The following MYO1D variants were observed in gnomAD, a reference collection of about 807,000 sequenced individuals.
The protein encoded by MYO1D is unconventional myosin-Id.
A neutral mutation model predicts 122.0 loss-of-function variants in MYO1D; 83 were observed. The ratio of observed to expected loss-of-function variants is 0.68; its 90% CI spans 0.57 to 0.82. The LOEUF (loss-of-function observed/expected upper bound fraction) is 0.82, where lower values mean the gene tolerates loss of function less well. Ranked by LOEUF, MYO1D falls within the 40% of genes least tolerant of loss-of-function variation. The probability of loss-of-function intolerance (pLI) is 0.00; values close to 1 mark genes in which losing one functional copy is unlikely to be tolerated. For missense variants in MYO1D, 1,157 were observed against 1,269.5 expected, an observed-to-expected ratio of 0.91 and a Z score of 1.35; for synonymous variants, 464 against 446.9, an observed-to-expected ratio of 1.04 and a Z score of -0.48.
intron 1 of MYO1D, among the ~76,000 whole-genome samples, chr17:32,850,420 G>A (rs1343381784): frequency 6.6e-6 from 1 of 152,036 alleles, no homozygotes; most frequent in Non-Finnish European, 1.5e-5. Context: ...TTCACCATGG[G>A]TACAACAATC....
In MYO1D at chr17:32,605,251, G is replaced by T. The variant is rs899955634; in HGVS notation, c.2710-10C>A. The T allele has an allele frequency of 6.5e-7, 1 of 1,535,830 alleles. No individual in the cohort carries two copies. The highest frequency in any genetic ancestry group is 1.4e-5 in the African/African-American group (1 of 73,414). ...CACTCAGACCAGTCAACTGCAAAGA[G>T]AAAATGCATGGAAAACTATTTGGAT... is the stretch of plus-strand genomic sequence containing the variant. On this transcript the variant is annotated splice_polypyrimidine_tract_variant and intron_variant, in intron 20 of 21. Coordinates refer to ENST00000318217, the MANE Select transcript of MYO1D (RefSeq NM_015194.3).
At chr17:32,866,025 A>AT (rs937812824) in intron 1 of MYO1D, among the ~76,000 whole-genome samples, 8 of 152,050 alleles carry the variant, frequency 5.3e-5, no homozygotes, top group Non-Finnish European at 1.5e-5. Context: ...TTTATTTTTC[A>AT]TTTTTTTACA....
At chr17:32,873,210 T>G (rs1032507577) in intron 1 of MYO1D, among the ~76,000 whole-genome samples, 3 of 152,078 alleles carry the variant, frequency 2.0e-5, no homozygotes, top group African/African-American at 7.2e-5. Flanking sequence ...CATGAAGGAA[T>G]GTACTCTGTA....
chr17:32,790,776 G>C (rs2090342580), intron 1 of MYO1D, among the ~76,000 whole-genome samples: 1 of 152,244 alleles, frequency 6.6e-6, no homozygotes, highest in African/African-American at 2.4e-5. Flanking sequence ...GGCAAAGAGA[G>C]AGAAGAGGGA....
chr17:32,754,089 C>T (rs1291070869), intron 11 of MYO1D, among the ~76,000 whole-genome samples: 1 of 152,064 alleles, frequency 6.6e-6, no homozygotes, highest in Admixed American at 6.5e-5. Flanking sequence ...CAATTCAATT[C>T]AACTTTACAA....
intron 16 of MYO1D, among the ~76,000 whole-genome samples, chr17:32,660,411 A>T (rs2088546635): frequency 6.6e-6 from 1 of 152,310 alleles, no homozygotes; most frequent in Admixed American, 6.5e-5. Context: ...CTTCTTAAAA[A>T]TCCCCGTCTG....
intron 18 of MYO1D, 32 bp from the exon 19 acceptor site, chr17:32,653,979 T>A: frequency 6.5e-7 from 1 of 1,542,204 alleles, no homozygotes; most frequent in Non-Finnish European, 8.9e-7. Flanking sequence ...ACAAAATGAG[T>A]ATGCTTAGCA....
chr17:32,683,249 C>T (rs1338862250), intron 16 of MYO1D, among the ~76,000 whole-genome samples: 1 of 151,950 alleles, frequency 6.6e-6, no homozygotes, highest in Non-Finnish European at 1.5e-5. Context: ...TCTCTCAGCT[C>T]GTCAAAGTCA....
intron 1 of MYO1D, among the ~76,000 whole-genome samples, chr17:32,862,080 C>A (rs1040384525): frequency 5.9e-5 from 9 of 152,136 alleles, no homozygotes; most frequent in Middle Eastern, 3.4e-3. Context: ...TCTGATTGTT[C>A]CCCCGCTCCC....
intron 16 of MYO1D, among the ~76,000 whole-genome samples, chr17:32,704,457 T>C (rs189919518): frequency 6.6e-6 from 1 of 152,170 alleles, no homozygotes; most frequent in African/African-American, 2.4e-5. Context: ...CATTAGTTGG[T>C]GGGAACATAA....
At chr17:32,702,244 G>A (rs911797497) in intron 16 of MYO1D, among the ~76,000 whole-genome samples, 2 of 152,080 alleles carry the variant, frequency 1.3e-5, no homozygotes, top group Non-Finnish European at 2.9e-5. Context: ...TACGTGGTGT[G>A]CCTGTTATTT....
At chr17:32,837,142 T>C (rs947936971) in intron 1 of MYO1D, among the ~76,000 whole-genome samples, 10 of 152,102 alleles carry the variant, frequency 6.6e-5, no homozygotes, top group African/African-American at 1.9e-4. Context: ...GAGTGTGTAA[T>C]ATTATCTCAT....
At chr17:32,848,000 T>A (rs1423321628) in intron 1 of MYO1D, among the ~76,000 whole-genome samples, 9 of 152,208 alleles carry the variant, frequency 5.9e-5, no homozygotes, top group Non-Finnish European at 1.2e-4. Context: ...TCCTACAGGG[T>A]ACCTGCTATG....
chr17:32,538,178 A>C (rs746457622), intron 21 of MYO1D, among the ~76,000 whole-genome samples: 2 of 152,206 alleles, frequency 1.3e-5, no homozygotes, highest in African/African-American at 2.4e-5. Flanking sequence ...TGATGATTAC[A>C]GTATTTTGAG....
intron 14 of MYO1D, chr17:32,734,799 G>C (rs557111974): frequency 5.9e-5 from 9 of 152,084 alleles, no homozygotes; most frequent in African/African-American, 2.2e-4. Context: ...GCTGAGCATG[G>C]TGGCTCACAT....
intron 21 of MYO1D, 129 bp from the exon 22 acceptor site, chr17:32,495,044 T>C: frequency 8.4e-7 from 1 of 1,189,868 alleles, no homozygotes; most frequent in Non-Finnish European, 1.2e-6. Context: ...GGAGGATGCC[T>C]GAAGGGCCCC....
intron 17 of MYO1D, among the ~76,000 whole-genome samples, chr17:32,656,913 C>T (rs1316155120): frequency 6.6e-6 from 1 of 152,210 alleles, no homozygotes; most frequent in African/African-American, 2.4e-5. Flanking sequence ...GTCAGCCTGT[C>T]CTGTCTTCAC....
intron 19 of MYO1D, among the ~76,000 whole-genome samples, chr17:32,643,613 A>G (rs2088238874): frequency 6.6e-6 from 1 of 152,176 alleles, no homozygotes; most frequent in Admixed American, 6.5e-5. Flanking sequence ...TTATTGGTCT[A>G]TTAAGAGATT....
intron 21 of MYO1D, 110 bp from the exon 22 acceptor site, chr17:32,495,025 C>T: frequency 7.5e-7 from 1 of 1,327,950 alleles, no homozygotes; most frequent in Non-Finnish European, 1.0e-6. Flanking sequence ...GCTTCCTCCA[C>T]AAGTGCCAGG....
Sources: allele counts gnomAD v4.1 joint callset (sites outside exome capture counted in the v4.1 genomes callset), GRCh38; gene constraint gnomAD v4.1.1; transcripts MANE v1.5; gene names NCBI Gene and HGNC (gene_info 2026-07-23, HGNC 2026-07-21).